The following LRFN2 variants were observed in gnomAD, a reference collection of about 807,000 sequenced individuals.
LRFN2 encodes the protein leucine rich repeat and fibronectin type III domain containing 2.
Under a neutral mutation model 37.3 loss-of-function variants are expected in LRFN2, and 18 were observed. The observed-to-expected ratio is 0.48, with a 90% CI of 0.33 to 0.72. LRFN2 has a LOEUF of 0.72. Among genes scored for constraint, LRFN2 ranks in the 30% least tolerant of loss-of-function variants. LRFN2 has a pLI of 0.02. For missense variants in LRFN2, 1,006 were observed against 1,060.7 expected (o/e 0.95, Z 0.72); for synonymous variants, 556 against 466.6 (o/e 1.19, Z -2.47).
intron 1 of LRFN2, among the ~76,000 whole-genome samples, chr6:40,557,545 G>A (rs538187848): frequency 1.3e-5 from 2 of 152,298 alleles, no homozygotes; most frequent in East Asian, 1.9e-4. Flanking sequence ...GTCAGAGACA[G>A]GCCTTGACCC....
intron 1 of LRFN2, among the ~76,000 whole-genome samples, chr6:40,485,747 G>A (rs570988760): frequency 1.3e-5 from 2 of 152,210 alleles, no homozygotes; most frequent in African/African-American, 2.4e-5. Context: ...AAGGAAAGCT[G>A]TAGCTCAAGG....
chr6:40,577,149 T>A (rs570041629), intron 1 of LRFN2, among the ~76,000 whole-genome samples: 9 of 139,014 alleles, frequency 6.5e-5, no homozygotes, highest in Non-Finnish European at 9.7e-5. Flanking sequence ...TCACCCAGGC[T>A]GGAGTGCAGT....
intron 1 of LRFN2, among the ~76,000 whole-genome samples, chr6:40,528,817 A>T (rs895239299): frequency 1.3e-5 from 2 of 152,096 alleles, no homozygotes; most frequent in Non-Finnish European, 2.9e-5. Context: ...GGCACAGAGG[A>T]TATTCTGGGC....
At chr6:40,466,520 T>C (rs1441067932) in intron 1 of LRFN2, among the ~76,000 whole-genome samples, 1 of 151,656 alleles carries the variant, frequency 6.6e-6, no homozygotes, top group Non-Finnish European at 1.5e-5. Flanking sequence ...GGGGTTTCCA[T>C]CATGAGATGA....
intron 1 of LRFN2, among the ~76,000 whole-genome samples, chr6:40,491,352 T>C (rs1006863072): frequency 1.3e-5 from 2 of 152,222 alleles, no homozygotes; most frequent in Non-Finnish European, 2.9e-5. Flanking sequence ...GCTCTTGCCC[T>C]TGTCAAGGCC....
intron 1 of LRFN2, among the ~76,000 whole-genome samples, chr6:40,544,467 G>T (rs1712626263): frequency 6.6e-6 from 1 of 152,170 alleles, no homozygotes; most frequent in African/African-American, 2.4e-5. Flanking sequence ...CCATGTGTGT[G>T]CCTGTGTTCC....
intron 1 of LRFN2, among the ~76,000 whole-genome samples, chr6:40,436,849 G>T (rs1763690637): frequency 1.3e-5 from 2 of 152,172 alleles, no homozygotes; most frequent in Non-Finnish European, 1.5e-5. Context: ...ACTCATTGTG[G>T]TCACAGAATG....
chr6:40,564,141 A>G (rs140061775), intron 1 of LRFN2, among the ~76,000 whole-genome samples: 16 of 152,320 alleles, frequency 1.1e-4, no homozygotes, highest in African/African-American at 3.8e-4. Context: ...TAGGGTTCCA[A>G]TGTGGGTTCA....
At chr6:40,561,576 G>A (rs546012771) in intron 1 of LRFN2, among the ~76,000 whole-genome samples, 8 of 152,190 alleles carry the variant, frequency 5.3e-5, no homozygotes, top group Non-Finnish European at 1.5e-5. Context: ...TCAGTACATG[G>A]GGTACTAGGG....
intron 1 of LRFN2, among the ~76,000 whole-genome samples, chr6:40,553,408 G>A (rs1378541441): frequency 6.6e-6 from 1 of 152,208 alleles, no homozygotes; most frequent in Non-Finnish European, 1.5e-5. Context: ...TCACGTCAAA[G>A]GAAAGCTGGA....
At chr6:40,417,270 CT>C (rs1763114824) in intron 2 of LRFN2, among the ~76,000 whole-genome samples, 1 of 152,176 alleles carries the variant, frequency 6.6e-6, no homozygotes, top group East Asian at 1.9e-4. Context: ...CCGGCTGCCG[CT>C]GCTGCCACCA....
At chr6:40,455,883 C>T (rs571387035) in intron 1 of LRFN2, among the ~76,000 whole-genome samples, 3 of 152,164 alleles carry the variant, frequency 2.0e-5, no homozygotes, top group African/African-American at 4.8e-5. Context: ...CCTGGGTGGG[C>T]CTGACCTAAT....
intron 1 of LRFN2, among the ~76,000 whole-genome samples, chr6:40,442,260 T>C (rs1182794005): frequency 6.6e-6 from 1 of 152,164 alleles, no homozygotes. Flanking sequence ...TCATTTCCAT[T>C]TGGCTGGAGA....
chr6:40,477,019 T>C (rs1336982996), intron 1 of LRFN2, among the ~76,000 whole-genome samples: 1 of 152,230 alleles, frequency 6.6e-6, no homozygotes, highest in Non-Finnish European at 1.5e-5. Context: ...CCTTCGACTC[T>C]TGATGATCAG....
At chr6:40,482,929 C>A (rs1046230229) in intron 1 of LRFN2, among the ~76,000 whole-genome samples, 1 of 152,216 alleles carries the variant, frequency 6.6e-6, no homozygotes, top group Non-Finnish European at 1.5e-5. Flanking sequence ...GGGCTGTGCC[C>A]ACGCCACTGC....
intron 1 of LRFN2, among the ~76,000 whole-genome samples, chr6:40,498,850 C>T (rs1333867037): frequency 6.6e-6 from 1 of 152,190 alleles, no homozygotes; most frequent in African/African-American, 2.4e-5. Context: ...AGACTCTACA[C>T]AAACATTTAA....
chr6:40,489,796 A>T (rs879480156), intron 1 of LRFN2, among the ~76,000 whole-genome samples: 2 of 152,062 alleles, frequency 1.3e-5, no homozygotes, highest in African/African-American at 4.8e-5. Context: ...GGGCTGACCC[A>T]CCTGTCCTCC....
At chr6:40,417,416 C>T (rs1188575523) in intron 2 of LRFN2, among the ~76,000 whole-genome samples, 3 of 152,208 alleles carry the variant, frequency 2.0e-5, no homozygotes, top group East Asian at 3.8e-4. Flanking sequence ...ACAACTGCCA[C>T]CTTCATTGCC....
intron 2 of LRFN2, 87 bp downstream of exon 2, chr6:40,431,627 A>G: frequency 8.6e-7 from 1 of 1,166,956 alleles, no homozygotes; most frequent in East Asian, 2.5e-5. Flanking sequence ...AGAGGGGTAT[A>G]GGTGGGAGCA....
Sources: allele counts gnomAD v4.1 joint callset (sites outside exome capture counted in the v4.1 genomes callset), GRCh38; gene constraint gnomAD v4.1.1; transcripts MANE v1.5; gene names NCBI Gene and HGNC (gene_info 2026-07-23, HGNC 2026-07-21).